The following RGS7 variants were observed in gnomAD, a reference collection of about 807,000 sequenced individuals.
The protein encoded by RGS7 is regulator of G-protein signaling 7.
RGS7 carries 27 observed loss-of-function variants against 81.1 expected under a neutral mutation model. The observed-to-expected ratio is 0.33, with a 90% CI of 0.25 to 0.46. The LOEUF is 0.46. RGS7 is among the 20% of genes least tolerant of loss of function. The pLI is 1.00. For synonymous variants in RGS7, 208 were observed against 207.7 expected (o/e 1.00, Z -0.01); for missense variants, 396 against 607.4 (o/e 0.65, Z 3.66).
chr1:240,796,977 G>A (rs1212677643), intron 18 of RGS7, among the ~76,000 whole-genome samples: 1 of 152,144 alleles, frequency 6.6e-6, no homozygotes, highest in East Asian at 1.9e-4. Context: ...ATAAGATTAG[G>A]TGACTCCCTG....
At chr1:241,327,086 GAA>G in intron 2 of RGS7, among the ~76,000 whole-genome samples, 1 of 34,776 alleles carries the variant, frequency 2.9e-5, no homozygotes, top group South Asian at 1.2e-3. Flanking sequence ...GGAAGAGAAA[GAA>G]AGAAAGAAAG....
At chr1:240,968,361 C>T (rs191991980) in intron 4 of RGS7, among the ~76,000 whole-genome samples, 246 of 152,176 alleles carry the variant, frequency 1.6e-3, no homozygotes, top group African/African-American at 5.7e-3. Context: ...AGTTATTACC[C>T]GAAAATAACA....
In RGS7 at chr1:241,292,740, C is replaced by T. The variant is rs569011154; in HGVS notation, c.78+62959G>A. ...GCAGCCTAATCTGTCGTGAACATTCCTCTTCCCCCCAAAAATAAAGAGGAA... is the reference window on the plus strand; with the variant it reads ...GCAGCCTAATCTGTCGTGAACATTCTTCTTCCCCCCAAAAATAAAGAGGAA... On this transcript the variant is annotated intron_variant, in intron 2 of 18. Coordinates refer to ENST00000440928, the MANE Select transcript of RGS7 (RefSeq NM_001364886.1). 2.6e-3 allele frequency among the ~76,000 whole-genome samples: 402 copies of T among 152,216 alleles called. 1 individual carries two copies. Among genetic ancestry groups the T allele is most frequent in the African/African-American group, 9.3e-3 (388 of 41,544 alleles).
At chr1:241,349,971 G>A (rs539889220) in intron 2 of RGS7, among the ~76,000 whole-genome samples, 23 of 152,032 alleles carry the variant, frequency 1.5e-4, no homozygotes, top group Non-Finnish European at 2.4e-4. Context: ...AAAATCCCTC[G>A]AGGGCTTCTC....
At chr1:241,001,691 C>T (rs2148630797) in intron 3 of RGS7, among the ~76,000 whole-genome samples, 1 of 152,196 alleles carries the variant, frequency 6.6e-6, no homozygotes, top group East Asian at 1.9e-4. Context: ...TCTGAAAAGG[C>T]CACACACTGT....
intron 10 of RGS7, among the ~76,000 whole-genome samples, chr1:240,817,555 G>T (rs1691028361): frequency 7.2e-6 from 1 of 138,828 alleles, no homozygotes; most frequent in Non-Finnish European, 1.5e-5. Context: ...CTCTGTATCT[G>T]CACCTTTTGG....
intron 18 of RGS7, among the ~76,000 whole-genome samples, chr1:240,793,639 T>G (rs1213840450): frequency 7.3e-6 from 1 of 136,642 alleles, no homozygotes; most frequent in Non-Finnish European, 1.5e-5. Flanking sequence ...AGACAGAGTC[T>G]TGCACTGTCG....
chr1:241,059,837 CTT>C (rs2061656006), intron 3 of RGS7, among the ~76,000 whole-genome samples: 1 of 152,200 alleles, frequency 6.6e-6, no homozygotes, highest in South Asian at 2.1e-4. Context: ...AACTGATCCT[CTT>C]TGCACAAAAT....
rs145229926 is a variant in RGS7, at chr1:241,051,341, A to G, written c.175+47325T>C. Among the ~76,000 whole-genome samples the G allele has an allele frequency of 3.9e-5, 6 of 152,270 alleles. No homozygotes were observed. In the East Asian group the frequency reaches 1.2e-3, roughly 29 times the overall value. On this transcript the variant is annotated intron_variant, in intron 3 of 18. Coordinates refer to ENST00000440928, the MANE Select transcript of RGS7 (RefSeq NM_001364886.1). ...TGTTATTCTCTCTGCTACAGGCTTTAATCACCTGCAACTTGGTTATAAAAA... is the reference window on the plus strand; with the variant it reads ...TGTTATTCTCTCTGCTACAGGCTTTGATCACCTGCAACTTGGTTATAAAAA...
Position 241,179,153 on chromosome 1 carries a change from G to A in RGS7, c.79-80391C>T, listed in dbSNP as rs2071397478. Among the ~76,000 whole-genome samples the A allele has an allele frequency of 3.3e-5, 5 of 152,286 alleles. No homozygotes were observed. The South Asian group carries it at 1.0e-3, about 32-fold the overall frequency. On this transcript the variant is annotated intron_variant, in intron 2 of 18. Coordinates refer to ENST00000440928, the MANE Select transcript of RGS7 (RefSeq NM_001364886.1). ...TCTGTGGCCCAGATTGGAGTGCAGT[G>A]GCACAATATCGACTACCTACAACCT...
intron 2 of RGS7, among the ~76,000 whole-genome samples, chr1:241,286,634 TCTC>T (rs1176384569): frequency 6.6e-6 from 1 of 152,172 alleles, no homozygotes; most frequent in Non-Finnish European, 1.5e-5. Flanking sequence ...AACTCCTCCT[TCTC>T]CTTTCCATTT....
chr1:240,800,174 A>G (rs369083886), intron 18 of RGS7, among the ~76,000 whole-genome samples: 1 of 152,290 alleles, frequency 6.6e-6, no homozygotes, highest in African/African-American at 2.4e-5. Flanking sequence ...ATTGTTTGAC[A>G]TTGTCTTTAT....
rs1409664589 is a variant in RGS7, at chr1:241,273,759, C to A, written c.78+81940G>T. 2.0e-5 allele frequency among the ~76,000 whole-genome samples: 3 copies of A among 152,188 alleles called. No individual in the cohort carries two copies. The East Asian group carries it at 5.8e-4, about 29-fold the overall frequency. On this transcript the variant is annotated intron_variant, in intron 2 of 18. Coordinates refer to ENST00000440928, the MANE Select transcript of RGS7 (RefSeq NM_001364886.1). ...TCCTCTCTCCTGCTCTACCCCTAGA[C>A]TTCAGCAGCCCTCTGCCTTGTCCTT...
intron 2 of RGS7, among the ~76,000 whole-genome samples, chr1:241,317,978 G>A (rs529569556): frequency 1.3e-5 from 2 of 152,002 alleles, no homozygotes; most frequent in South Asian, 4.2e-4. Context: ...CCTGTCTTGG[G>A]TTTTCCACAG....
At chr1:241,115,486 C>T (rs556570854) in intron 2 of RGS7, among the ~76,000 whole-genome samples, 1 of 152,126 alleles carries the variant, frequency 6.6e-6, no homozygotes, top group South Asian at 2.1e-4. Context: ...TTCAAAAATC[C>T]ACTCGTCCAG....
At chr1:241,279,853 T>C (rs2078407360) in intron 2 of RGS7, among the ~76,000 whole-genome samples, 2 of 152,204 alleles carry the variant, frequency 1.3e-5, no homozygotes, top group Non-Finnish European at 2.9e-5. Flanking sequence ...TCAGCCCAAC[T>C]TTCTAGAGAT....
chr1:241,251,964 C>A (rs1294628941), intron 2 of RGS7, among the ~76,000 whole-genome samples: 1 of 152,116 alleles, frequency 6.6e-6, no homozygotes, highest in Non-Finnish European at 1.5e-5. Context: ...GGCTGCGGAG[C>A]CTCGGAGTCC....
At chr1:241,267,963 A>C (rs2077678598) in intron 2 of RGS7, among the ~76,000 whole-genome samples, 1 of 152,206 alleles carries the variant, frequency 6.6e-6, no homozygotes, top group Non-Finnish European at 1.5e-5. Context: ...TTGTTCTAAA[A>C]TGTCTGATTC....
chr1:241,165,811 A>G (rs74548762), intron 2 of RGS7, among the ~76,000 whole-genome samples: 2 of 146,466 alleles, frequency 1.4e-5, no homozygotes, highest in East Asian at 4.0e-4. Context: ...ACCAGCCCTG[A>G]AAAAAAAAAA....
Sources: gnomAD v4.1 joint callset for allele counts (sites outside exome capture counted in the v4.1 genomes callset) on GRCh38, gnomAD v4.1.1 for gene constraint, MANE v1.5 for transcripts, NCBI Gene and HGNC (gene_info 2026-07-23, HGNC 2026-07-21) for gene names.